Variants in IQGAP2 observed in about 807,000 individuals in gnomAD.
IQGAP2 encodes the protein ras GTPase-activating-like protein IQGAP2.
IQGAP2 carries 173 observed loss-of-function variants against 201.3 expected under a neutral mutation model. The observed-to-expected ratio is 0.86, with a 90% confidence interval of 0.76 to 0.98. IQGAP2 has a LOEUF of 0.98. Ranked by LOEUF, IQGAP2 falls within the 50% of genes least tolerant of loss-of-function variation. IQGAP2 has a pLI of 0.00. For synonymous variants in IQGAP2, 675 were observed against 673.9 expected, an observed-to-expected ratio of 1.00 and a Z score of -0.03; for missense variants, 1,687 against 1,864.8, an observed-to-expected ratio of 0.90 and a Z score of 1.76.
At chr5:76,662,264 C>T (rs1039192408) in intron 21 of IQGAP2, among the ~76,000 whole-genome samples, 37 of 152,330 alleles carry the variant, frequency 2.4e-4, no homozygotes, top group African/African-American at 8.2e-4. Flanking sequence ...CCGGCCCGTC[C>T]TCTCTCTTCC....
In IQGAP2 at chr5:76,654,266, G is replaced by T; in HGVS notation, c.2245G>T (p.Asp749Tyr). 6.2e-7 allele frequency: 1 copy of T among 1,601,870 alleles called. No individual in the cohort carries two copies. Among genetic ancestry groups the T allele is most frequent in the South Asian group, 1.1e-5 (1 of 89,584 alleles). The part of the protein sequence containing the change: ...SYLSRLQYFR[D>Y]HNNEIVKIQS... ...TCTTTCAAGACTACAGTATTTCAGAGATCATGTAAGAAAAATGCCTGTGGG... is the reference window on the plus strand; with the variant it reads ...TCTTTCAAGACTACAGTATTTCAGATATCATGTAAGAAAAATGCCTGTGGG... Residue 749 changes from aspartate (D) to tyrosine (Y), a missense_variant, in exon 19 of 36, where the codon GAT becomes TAT. Coordinates refer to ENST00000274364, the MANE Select transcript of IQGAP2 (RefSeq NM_006633.5).
At chr5:76,556,311 G>C (rs1016529227) in intron 2 of IQGAP2, among the ~76,000 whole-genome samples, 14 of 152,096 alleles carry the variant, frequency 9.2e-5, no homozygotes, top group African/African-American at 3.4e-4. Flanking sequence ...CATCTTGTCT[G>C]CTCCTTTACA....
intron 2 of IQGAP2, among the ~76,000 whole-genome samples, chr5:76,478,382 CAGTG>C (rs1755575146): frequency 6.6e-6 from 1 of 152,184 alleles, no homozygotes; most frequent in Non-Finnish European, 1.5e-5. Flanking sequence ...GCCTAGGAGA[CAGTG>C]AGACTCCGCC....
intron 2 of IQGAP2, among the ~76,000 whole-genome samples, chr5:76,494,878 A>C (rs1756790917): frequency 6.6e-6 from 1 of 152,208 alleles, no homozygotes; most frequent in African/African-American, 2.4e-5. Flanking sequence ...TTAATTAGCT[A>C]GCCTGCCATC....
At chr5:76,631,101 T>A (rs774898750) in intron 14 of IQGAP2, among the ~76,000 whole-genome samples, 1 of 152,202 alleles carries the variant, frequency 6.6e-6, no homozygotes, top group Non-Finnish European at 1.5e-5. Context: ...GTATTTTAAC[T>A]TGGCCTCTTT....
chr5:76,663,194 C>T (rs1005609715), intron 21 of IQGAP2, among the ~76,000 whole-genome samples: 1 of 152,188 alleles, frequency 6.6e-6, no homozygotes, highest in Non-Finnish European at 1.5e-5. Context: ...TGACTAGGGG[C>T]CCCTGCTGAT....
At chr5:76,700,364 G>A (rs772755451) in intron 33 of IQGAP2, among the ~76,000 whole-genome samples, 14 of 152,118 alleles carry the variant, frequency 9.2e-5, no homozygotes, top group East Asian at 5.8e-4. Flanking sequence ...AAAATTCGCC[G>A]GATGTGGTGG....
At chr5:76,611,798 G>A (rs752916698) in intron 13 of IQGAP2, among the ~76,000 whole-genome samples, 1 of 152,146 alleles carries the variant, frequency 6.6e-6, no homozygotes, top group Non-Finnish European at 1.5e-5. Context: ...ATTATAAGGA[G>A]CCCCACAAAG....
chr5:76,440,602 A>G (rs778861164), intron 1 of IQGAP2, among the ~76,000 whole-genome samples: 1 of 152,170 alleles, frequency 6.6e-6, no homozygotes, highest in African/African-American at 2.4e-5. Flanking sequence ...GTCTCACCTC[A>G]GTGCATCCTG....
chr5:76,696,267 A>G lies in IQGAP2; in HGVS notation c.4206+601A>G, dbSNP rs187536704. ...GTTTTCTCCTGAGATGTTAGTTGTC[A>G]TATAGCTCAGTTGCTCTTAGAACCT... is the stretch of plus-strand genomic sequence containing the variant. On this transcript the variant is annotated intron_variant, in intron 32 of 35. Transcript: ENST00000274364. Among the ~76,000 whole-genome samples the G allele has an allele frequency of 7.2e-5, 11 of 152,368 alleles. No homozygotes were observed. The East Asian group carries it at 2.1e-3, about 29-fold the overall frequency.
At chr5:76,502,710 T>C (rs1377422346) in intron 2 of IQGAP2, among the ~76,000 whole-genome samples, 2 of 152,202 alleles carry the variant, frequency 1.3e-5, no homozygotes, top group Non-Finnish European at 2.9e-5. Flanking sequence ...TGTAAAACAA[T>C]TTGTTTCAAA....
chr5:76,658,609 A>C lies in IQGAP2; in HGVS notation c.2471A>C (p.Asp824Ala). ...AGGGCCAATCAACAGCTGGAAAAAGACCTGAACCTGATGGACATCAAGATT... is the reference window on the plus strand; with the variant it reads ...AGGGCCAATCAACAGCTGGAAAAAGCCCTGAACCTGATGGACATCAAGATT... ...KIRANQQLEK[D>A]LNLMDIKIGL... is the part of the protein sequence containing the mutation. The change falls in exon 21 of 36, where the codon GAC becomes GCC. Residue 824 changes from aspartate to alanine, a missense_variant. Asp to Ala is a moderately radical substitution (Grantham distance 126). Transcript: ENST00000274364. The C allele has an allele frequency of 6.2e-7, 1 of 1,614,064 alleles. No individual in the cohort carries two copies. Among genetic ancestry groups the C allele is most frequent in the Non-Finnish European group, 8.5e-7 (1 of 1,179,978 alleles).
intron 2 of IQGAP2, among the ~76,000 whole-genome samples, chr5:76,498,727 G>A (rs1219719377): frequency 6.6e-6 from 1 of 152,226 alleles, no homozygotes; most frequent in African/African-American, 2.4e-5. Context: ...ACTGCTATTT[G>A]CACAACTGGG....
At chr5:76,456,058 A>T (rs1754066038) in intron 1 of IQGAP2, among the ~76,000 whole-genome samples, 1 of 152,210 alleles carries the variant, frequency 6.6e-6, no homozygotes, top group Admixed American at 6.5e-5. Context: ...CAAACTTCGT[A>T]GGACTAAACT....
rs12518090 is a variant in IQGAP2 at position 76,555,366 on chromosome 5, C to T, written c.147-7030C>T. On this transcript the variant is annotated intron_variant, in intron 2 of 35. Coordinates refer to ENST00000274364, the MANE Select transcript of IQGAP2 (RefSeq NM_006633.5). ...ATAATTACACAGTCATATTGAATTC[C>T]GTTATAATTTCAGATTTATGGACTA... Among the ~76,000 whole-genome samples, 987 of 152,200 alleles carry T rather than the reference C, an allele frequency of 6.5e-3. 16 individuals are homozygous for T. The highest frequency in any genetic ancestry group is 0.02 in the Admixed American group (309 of 15,280).
Position 76,701,112 on chromosome 5 carries a change from A to G in IQGAP2, c.4404A>G (p.Gly1468=), listed in dbSNP as rs201596632. Residue 1468 remains glycine, a synonymous_variant, in exon 34 of 36, where the codon GGA becomes GGG. Transcript: ENST00000274364. The part of the protein sequence containing the change: ...TRRSIKLDGK[G]EPKGAKRAKP... The stretch of plus-strand genomic sequence containing the variant: ...GATCAATTAAACTAGATGGAAAAGG[A>G]GAACCCAAAGGGGCGAAGAGAGCGA... 1 of 1,614,188 alleles carries G rather than the reference A, an allele frequency of 6.2e-7. No homozygotes were observed. Among genetic ancestry groups the G allele is most frequent in the Non-Finnish European group, 8.5e-7 (1 of 1,179,980 alleles).
At chr5:76,458,634 G>A (rs13166671) in intron 1 of IQGAP2, among the ~76,000 whole-genome samples, 34,178 of 152,086 alleles carry the variant, frequency 0.22, 4,140 homozygotes, top group African/African-American at 0.31. Context: ...CAAGGAATGG[G>A]TATGTACAAG....
chr5:76,444,734 C>T (rs892573377), intron 1 of IQGAP2, among the ~76,000 whole-genome samples: 1 of 152,192 alleles, frequency 6.6e-6, no homozygotes, highest in East Asian at 1.9e-4. Context: ...ATTATCTTGG[C>T]AGTCGAAGAA....
At chr5:76,617,548 G>A in intron 13 of IQGAP2, 1 of 1,527,046 alleles carries the variant, frequency 6.5e-7, no homozygotes, top group Non-Finnish European at 8.9e-7. Context: ...GACGTTCTCT[G>A]TGATGGCTGT....
Sources: allele counts gnomAD v4.1 joint callset (sites outside exome capture counted in the v4.1 genomes callset), GRCh38; gene constraint gnomAD v4.1.1; transcripts MANE v1.5; gene names NCBI Gene and HGNC (gene_info 2026-07-23, HGNC 2026-07-21).